The following RPAP3 variants were observed in gnomAD, a reference collection of about 807,000 sequenced individuals.
The protein encoded by RPAP3 is RNA polymerase II-associated protein 3.
RPAP3 carries 58 observed loss-of-function variants against 88.8 expected under a neutral mutation model. The observed-to-expected ratio is 0.65, with a 90% CI of 0.53 to 0.81. The LOEUF is 0.81. Among genes scored for constraint, RPAP3 ranks in the 40% least tolerant of loss-of-function variants. The pLI, the probability that RPAP3 is intolerant of heterozygous loss-of-function variation, is 0.00. For missense variants in RPAP3, 751 were observed against 764.3 expected (o/e 0.98, Z 0.20); for synonymous variants, 255 against 259.9 (o/e 0.98, Z 0.18).
Position 47,681,685 on chromosome 12 carries a change from TAA to T in RPAP3, c.1114+9_1114+10del, listed in dbSNP as rs1939226734. On this transcript the variant is annotated intron_variant, in intron 10 of 16. Transcript: ENST00000005386. ...CAGGATGACTGAGTGCCAGCTGTTA[TAA>T]AGTCTTACCTTGTTTTGCCTCATTT... 1 of 1,611,444 alleles carries T rather than the reference TAA, an allele frequency of 6.2e-7. No homozygotes were observed. Among genetic ancestry groups the T allele is most frequent in the Non-Finnish European group, 8.5e-7 (1 of 1,178,936 alleles).
chr12:47,686,161 AAAGTCT>A (rs1041287857), intron 9 of RPAP3, among the ~76,000 whole-genome samples: 49 of 152,252 alleles, frequency 3.2e-4, no homozygotes, highest in African/African-American at 1.2e-3. Flanking sequence ...CAAGAGAAAC[AAAGTCT>A]AAGTCTAAGT....
chr12:47,685,378 C>CAA (rs11416118), intron 9 of RPAP3, among the ~76,000 whole-genome samples: 6,999 of 130,302 alleles, frequency 0.054, 201 homozygotes, highest in Middle Eastern at 0.12. Context: ...GACTCTGTCT[C>CAA]AAAAAAAAAA....
In RPAP3 at chr12:47,682,680, TA is replaced by T. The variant is rs547080438; in HGVS notation, c.993-864del. Among the ~76,000 whole-genome samples the T allele has an allele frequency of 5.4e-3, 740 of 135,976 alleles. 4 individuals carry two copies. Among genetic ancestry groups the T allele is most frequent in the African/African-American group, 0.015 (540 of 36,898 alleles). 89.2% of individuals were successfully genotyped at this position (135,976 alleles called of 152,430 possible). ...AGTTTGAAAAGTTTCATAAGAATATTAAAAAAAAAAAAAACACTCCTGTAAT... is the reference window on the plus strand; with the variant it reads ...AGTTTGAAAAGTTTCATAAGAATATTAAAAAAAAAAAAACACTCCTGTAAT... On this transcript the variant is annotated intron_variant, in intron 9 of 16. Coordinates refer to ENST00000005386, the MANE Select transcript of RPAP3 (RefSeq NM_024604.3).
In RPAP3 at chr12:47,705,934, A is replaced by G. The variant is rs1163623400; in HGVS notation, c.-7+18T>C. The G allele has an allele frequency of 1.3e-5, 2 of 153,818 alleles. No homozygotes were observed. The highest frequency in any genetic ancestry group is 2.9e-5 in the Non-Finnish European group (2 of 69,114). The allele number at this position is 153,818 out of a possible 1,614,324, so 9.5% of individuals were successfully genotyped here. ...TCCTACGCTGCTCCGGGCAGCGAGA[A>G]CCGCAACGCCCGCTCACCTGACCAG... is the stretch of plus-strand genomic sequence containing the variant. On this transcript the variant is annotated intron_variant, in intron 1 of 16. Transcript: ENST00000005386.
In RPAP3 at chr12:47,686,846, A is replaced by C; in HGVS notation, c.926T>G (p.Ile309Arg). 1 of 1,606,672 alleles carries C rather than the reference A, an allele frequency of 6.2e-7. No homozygotes were observed. Among genetic ancestry groups the C allele is most frequent in the Non-Finnish European group, 8.5e-7 (1 of 1,175,270 alleles). The change falls in exon 9 of 17, where the codon ATA becomes AGA. Residue 309 changes from isoleucine (I) to arginine (R), a missense_variant. Coordinates refer to ENST00000005386, the MANE Select transcript of RPAP3 (RefSeq NM_024604.3). ...ERAIECYTRGIAADGANALLP... is the reference protein window; with the variant it reads ...ERAIECYTRGRAADGANALLP... ...AAGGGCATTAGCACCATCTGCTGCT[A>C]TCCCTCGAGTATAGCATTCAATTGC...
At chr12:47,674,407 T>A (rs372988612) in intron 12 of RPAP3, among the ~76,000 whole-genome samples, 56 of 152,270 alleles carry the variant, frequency 3.7e-4, no homozygotes, top group African/African-American at 1.3e-3. Flanking sequence ...CTTTGACAAG[T>A]TGACAGAAGT....
chr12:47,688,626 C>T (rs993313254), intron 7 of RPAP3, among the ~76,000 whole-genome samples: 1 of 152,192 alleles, frequency 6.6e-6, no homozygotes, highest in African/African-American at 2.4e-5. Flanking sequence ...CAGTTCATTA[C>T]AACTACATCA....
chr12:47,686,533 C>CACACAT (rs202103626), intron 9 of RPAP3, among the ~76,000 whole-genome samples: 15 of 116,448 alleles, frequency 1.3e-4, no homozygotes, highest in African/African-American at 4.4e-4. Flanking sequence ...TACATAAACA[C>CACACAT]ACACATACAC....
In RPAP3 at chr12:47,661,902, C is replaced by A. The variant is rs145225237; in HGVS notation, c.*1603G>T. ...TCAAAGGATCATACCGTAGTCCATTCGGGTTGCTATAATAAAATATCAAAC... is the reference window on the plus strand; with the variant it reads ...TCAAAGGATCATACCGTAGTCCATTAGGGTTGCTATAATAAAATATCAAAC... On this transcript the variant is annotated 3_prime_UTR_variant, in exon 17 of 17. Transcript: ENST00000005386. 1.3e-5 allele frequency: 2 copies of A among 152,154 alleles called. No individual in the cohort carries two copies. The highest frequency in any genetic ancestry group is 3.8e-4 in the East Asian group (2 of 5,204). The allele number at this position is 152,154 out of a possible 1,614,324, so 9.4% of individuals were successfully genotyped here. A position where few individuals can be genotyped will look rare whatever the true frequency, so the allele number is the denominator to read the frequency against.
At chr12:47,688,651 T>C (rs923206176) in intron 7 of RPAP3, among the ~76,000 whole-genome samples, 1 of 152,192 alleles carries the variant, frequency 6.6e-6, no homozygotes, top group Non-Finnish European at 1.5e-5. Flanking sequence ...ACTTCTCAAA[T>C]TCAATATTCA....
rs1939504806 is a variant in RPAP3 at position 47,695,376 on chromosome 12, T to C, written c.545+900A>G. ...AAAATAAGCAAGATTATACTATATA[T>C]TATTTAGGAACATATACATATATAA... On this transcript the variant is annotated intron_variant, in intron 5 of 16. Coordinates refer to ENST00000005386, the MANE Select transcript of RPAP3 (RefSeq NM_024604.3). Among the ~76,000 whole-genome samples, 6 of 152,178 alleles carry C rather than the reference T, an allele frequency of 3.9e-5. No homozygotes were observed. The South Asian group carries it at 1.2e-3, about 31-fold the overall frequency.
Position 47,666,875 on chromosome 12 carries a change from T to C in RPAP3, c.1912+105A>G, listed in dbSNP as rs576586714. Reference sequence around the variant, plus strand: ...ATTTAAATATAAATATTTAATTAAATATAACCTTATACACAATAAGTAGTC... The same window carrying C: ...ATTTAAATATAAATATTTAATTAAACATAACCTTATACACAATAAGTAGTC... On this transcript the variant is annotated intron_variant, in intron 16 of 16. Coordinates refer to ENST00000005386, the MANE Select transcript of RPAP3 (RefSeq NM_024604.3). 79 of 355,100 alleles carry C rather than the reference T, an allele frequency of 2.2e-4. No homozygotes were observed. The East Asian group carries it at 3.9e-3, about 18-fold the overall frequency. The allele number at this position is 355,100 out of a possible 1,614,324, so 22.0% of individuals were successfully genotyped here. A position where few individuals can be genotyped will look rare whatever the true frequency, so the allele number is the denominator to read the frequency against.
Position 47,681,826 on chromosome 12 carries a change from C to T in RPAP3, c.993-9G>A, listed in dbSNP as rs1409343177. 6.4e-7 allele frequency: 1 copy of T among 1,567,978 alleles called. No individual in the cohort carries two copies. The highest frequency in any genetic ancestry group is 8.6e-7 in the Non-Finnish European group (1 of 1,164,132). On this transcript the variant is annotated splice_polypyrimidine_tract_variant and intron_variant, in intron 9 of 16. Coordinates refer to ENST00000005386, the MANE Select transcript of RPAP3 (RefSeq NM_024604.3). The stretch of plus-strand genomic sequence containing the variant: ...TTTCAGCTTCTTCATATCTATTGAA[C>T]ATGATAAAATTACTGACTGGAAAAA...
intron 12 of RPAP3, among the ~76,000 whole-genome samples, chr12:47,678,343 G>A (rs2136619533): frequency 6.6e-6 from 1 of 152,246 alleles, no homozygotes; most frequent in South Asian, 2.1e-4. Context: ...GCATAGGCAA[G>A]GACTTCATGA....
chr12:47,664,665 T>C (rs1374696289), intron 16 of RPAP3: 1 of 152,192 alleles, frequency 6.6e-6, no homozygotes, highest in Non-Finnish European at 1.5e-5. Context: ...ATCAAGACAG[T>C]ACTATTGGTC....
Position 47,670,990 on chromosome 12 carries a change from T to C in RPAP3, c.1288-645A>G, listed in dbSNP as rs184905776. Among the ~76,000 whole-genome samples, 655 of 152,310 alleles carry C rather than the reference T, an allele frequency of 4.3e-3. 2 individuals are homozygous for C. The highest frequency in any genetic ancestry group is 5.5e-3 in the Non-Finnish European group (374 of 68,014). ...ACACATTGTCTCAATATATAGCAGC[T>C]GGATAAAACTAGCCCAGGATTAAAA... On this transcript the variant is annotated intron_variant, in intron 12 of 16. Transcript: ENST00000005386.
In RPAP3 at chr12:47,662,607, A is replaced by C. The variant is rs997875133; in HGVS notation, c.*898T>G. On this transcript the variant is annotated 3_prime_UTR_variant, in exon 17 of 17. Transcript: ENST00000005386. ...TTTTACCAGTGCTTACACCATGCCCAAAAATTTGCTAGGCTGCTACTTTAA... is the reference window on the plus strand; with the variant it reads ...TTTTACCAGTGCTTACACCATGCCCCAAAATTTGCTAGGCTGCTACTTTAA... The C allele has an allele frequency of 6.6e-6, 1 of 152,214 alleles. No individual in the cohort carries two copies. The highest frequency in any genetic ancestry group is 1.5e-5 in the Non-Finnish European group (1 of 68,040). 9.4% of individuals were successfully genotyped at this position (152,214 alleles called of 1,614,324 possible).
chr12:47,699,875 C>T (rs895611855), intron 3 of RPAP3: 5 of 151,904 alleles, frequency 3.3e-5, no homozygotes, highest in South Asian at 2.1e-4. Flanking sequence ...ATAATGCATA[C>T]GGTATAATCA....
intron 9 of RPAP3, among the ~76,000 whole-genome samples, chr12:47,682,036 GGA>G (rs2136624262): frequency 6.6e-6 from 1 of 152,234 alleles, no homozygotes; most frequent in South Asian, 2.1e-4. Flanking sequence ...GGGAATGTTA[GGA>G]GAGTCTGCTG....
Sources: allele counts gnomAD v4.1 joint callset (sites outside exome capture counted in the v4.1 genomes callset), GRCh38; gene constraint gnomAD v4.1.1; transcripts MANE v1.5; gene names NCBI Gene and HGNC (gene_info 2026-07-23, HGNC 2026-07-21).